Variants in TUBD1 observed in about 807,000 individuals in gnomAD.
TUBD1 encodes the protein tubulin delta chain.
In TUBD1, 38 loss-of-function variants were observed where a neutral mutation model predicts 51.2. The ratio of observed to expected loss-of-function variants is 0.74; its 90% CI spans 0.57 to 0.97. TUBD1 has a LOEUF of 0.97. TUBD1 is among the 50% of genes least tolerant of loss of function. TUBD1 has a pLI of 0.00. For synonymous variants in TUBD1, 169 were observed against 178.2 expected (o/e 0.95, Z 0.41); for missense variants, 489 against 538.4 (o/e 0.91, Z 0.91).
intron 2 of TUBD1, among the ~76,000 whole-genome samples, chr17:59,887,331 C>G (rs1851846956): frequency 6.6e-6 from 1 of 151,654 alleles, no homozygotes; most frequent in Non-Finnish European, 1.5e-5. Context: ...GCAATCACAC[C>G]ACTGTGCTCC....
intron 8 of TUBD1, among the ~76,000 whole-genome samples, chr17:59,860,769 T>G (rs551366861): frequency 6.6e-6 from 1 of 152,014 alleles, no homozygotes; most frequent in African/African-American, 2.4e-5. Flanking sequence ...GTATTTTTAG[T>G]AGAGACGGGG....
intron 4 of TUBD1, 69 bp from the exon 5 acceptor site, chr17:59,878,403 G>A: frequency 8.7e-7 from 1 of 1,143,254 alleles, no homozygotes; most frequent in Non-Finnish European, 1.3e-6. Flanking sequence ...GATTCTCAAG[G>A]CATCCTGGCA....
chr17:59,888,220 C>A (rs1381783570), intron 2 of TUBD1, among the ~76,000 whole-genome samples: 3 of 152,166 alleles, frequency 2.0e-5, no homozygotes, highest in Admixed American at 2.0e-4. Flanking sequence ...TAGGCATGAG[C>A]CACTGCACCC....
intron 1 of TUBD1, chr17:59,891,826 G>A (rs2041073727): frequency 6.6e-6 from 1 of 151,976 alleles, no homozygotes; most frequent in African/African-American, 2.4e-5. Context: ...TTAGCTTGGC[G>A]TGGTGGTGTG....
At position 59,878,528 on chromosome 17, in the gene TUBD1, A is replaced by G. The variant is rs550320204; in HGVS notation, c.538-194T>C. 425 of 511,730 alleles carry G rather than the reference A, an allele frequency of 8.3e-4. 1 individual carries two copies. Among genetic ancestry groups the G allele is most frequent in the Non-Finnish European group, 1.3e-3 (378 of 289,994 alleles). The allele number at this position is 511,730 out of a possible 1,614,324, so 31.7% of individuals were successfully genotyped here. A position where few individuals can be genotyped will look rare whatever the true frequency, so the allele number is the denominator to read the frequency against. ...TTTTGAGATAGAGACTCTGTCGCCC[A>G]GGCTGGAGTACAGTGGCACCATCTC... is the stretch of plus-strand genomic sequence containing the variant. On this transcript the variant is annotated intron_variant, in intron 4 of 8. Coordinates refer to ENST00000325752, the MANE Select transcript of TUBD1 (RefSeq NM_016261.4).
intron 4 of TUBD1, among the ~76,000 whole-genome samples, chr17:59,879,507 C>T (rs1288685522): frequency 6.6e-6 from 1 of 152,008 alleles, no homozygotes; most frequent in Non-Finnish European, 1.5e-5. Flanking sequence ...ATGATCTAGG[C>T]TCAATGCAAC....
At chr17:59,888,440 T>C (rs2040834410) in intron 2 of TUBD1, among the ~76,000 whole-genome samples, 1 of 152,194 alleles carries the variant, frequency 6.6e-6, no homozygotes, top group Admixed American at 6.5e-5. Context: ...TGATGGTATG[T>C]ATGCAGCAAG....
At chr17:59,865,792 A>G (rs1438257145) in intron 7 of TUBD1, among the ~76,000 whole-genome samples, 2 of 151,912 alleles carry the variant, frequency 1.3e-5, no homozygotes, top group African/African-American at 2.4e-5. Flanking sequence ...CAGAAATTCA[A>G]GTGTGATATG....
At chr17:59,890,607 T>C (rs1339265867) in intron 2 of TUBD1, among the ~76,000 whole-genome samples, 4 of 152,164 alleles carry the variant, frequency 2.6e-5, no homozygotes, top group Non-Finnish European at 5.9e-5. Context: ...AGCCAGTCAA[T>C]AGATGAGTTT....
At chr17:59,885,421 A>G in intron 3 of TUBD1, 1 of 1,225,806 alleles carries the variant, frequency 8.2e-7, no homozygotes, top group East Asian at 2.4e-5. Context: ...CATGATATTC[A>G]TGTTCTGGGT....
At chr17:59,885,565 G>C (rs1158651162) in intron 3 of TUBD1, 2 of 1,327,726 alleles carry the variant, frequency 1.5e-6, no homozygotes, top group Non-Finnish European at 2.2e-6. Flanking sequence ...AGGAGGCTTC[G>C]TGGGCTTTTG....
intron 6 of TUBD1, among the ~76,000 whole-genome samples, chr17:59,872,722 G>GTGTC (rs1568297638): frequency 7.3e-5 from 11 of 150,424 alleles, no homozygotes; most frequent in African/African-American, 2.5e-4. Flanking sequence ...GTGTGTGTGT[G>GTGTC]TGTGTGTCTG....
chr17:59,891,364 C>T (rs1392169529), intron 1 of TUBD1, among the ~76,000 whole-genome samples: 2 of 98,862 alleles, frequency 2.0e-5, no homozygotes, highest in African/African-American at 1.5e-4. Context: ...CTCTTGACCT[C>T]GTGATCCACC....
intron 3 of TUBD1, among the ~76,000 whole-genome samples, chr17:59,884,279 A>AT (rs2040616747): frequency 6.7e-6 from 1 of 149,382 alleles, no homozygotes; most frequent in Admixed American, 6.7e-5. Flanking sequence ...AAAAAAAAAA[A>AT]TTTTGCTGCA....
intron 6 of TUBD1, among the ~76,000 whole-genome samples, chr17:59,867,490 T>C (rs1346541475): frequency 6.6e-6 from 1 of 152,070 alleles, no homozygotes; most frequent in Non-Finnish European, 1.5e-5. Flanking sequence ...GGAGGATCTC[T>C]TGAGTCCAGG....
At chr17:59,886,059 A>C in intron 3 of TUBD1, 24 bp downstream of exon 3, 1 of 1,613,078 alleles carries the variant, frequency 6.2e-7, no homozygotes, top group Non-Finnish European at 8.5e-7. Context: ...CACTAAACTG[A>C]AAATCACAAG....
In TUBD1 at chr17:59,866,642, GAATGA is replaced by G. The variant is rs746248555; in HGVS notation, c.1037_1041del (p.Val346AlafsTer15). Reference sequence around the variant, plus strand: ...GCACTTTGCACATCTTTCCCACGAAGAATGACCAAGTTAGCAATGGAAGTGTTAAA... The same window carrying G: ...GCACTTTGCACATCTTTCCCACGAAGCCAAGTTAGCAATGGAAGTGTTAAA... On this transcript the variant is annotated frameshift_variant, in exon 7 of 9. Coordinates refer to ENST00000325752, the MANE Select transcript of TUBD1 (RefSeq NM_016261.4). LOFTEE classifies it high-confidence loss of function. 8.1e-6 allele frequency: 13 copies of G among 1,613,946 alleles called. No individual in the cohort carries two copies. The highest frequency in any genetic ancestry group is 1.1e-5 in the Non-Finnish European group (13 of 1,179,984).
At chr17:59,866,043 G>A (rs1447674370) in intron 7 of TUBD1, among the ~76,000 whole-genome samples, 5 of 149,274 alleles carry the variant, frequency 3.3e-5, no homozygotes, top group East Asian at 4.0e-4. Flanking sequence ...CCTGGGAGGC[G>A]GAGGTTGCAC....
chr17:59,880,600 C>T (rs188219061), intron 4 of TUBD1, among the ~76,000 whole-genome samples: 41 of 152,026 alleles, frequency 2.7e-4, no homozygotes, highest in African/African-American at 7.7e-4. Flanking sequence ...CTGCAAGCTC[C>T]GCCTCATGGG....
Sources: allele counts gnomAD v4.1 joint callset (sites outside exome capture counted in the v4.1 genomes callset), GRCh38; gene constraint gnomAD v4.1.1; transcripts MANE v1.5; gene names NCBI Gene and HGNC (gene_info 2026-07-23, HGNC 2026-07-21).